The following CA8 variants were observed in gnomAD, a reference collection of about 807,000 sequenced individuals.
CA8 encodes carbonic anhydrase-related protein.
A neutral mutation model predicts 41.4 loss-of-function variants in CA8; 22 were observed. That is an observed-to-expected ratio of 0.53 (90% CI 0.38 to 0.76). The LOEUF is 0.76. CA8 is among the 30% of genes least tolerant of loss of function. The probability of loss-of-function intolerance (pLI) is 0.00; values close to 1 mark genes in which losing one functional copy is unlikely to be tolerated. For synonymous variants in CA8, 121 were observed against 130.6 expected, an observed-to-expected ratio of 0.93 and a Z score of 0.50; for missense variants, 270 against 352.8, an observed-to-expected ratio of 0.77 and a Z score of 1.88.
chr8:60,211,360 A>G (rs1806829928), intron 7 of CA8, among the ~76,000 whole-genome samples: 1 of 152,204 alleles, frequency 6.6e-6, no homozygotes, highest in African/African-American at 2.4e-5. Flanking sequence ...AATTTCACTG[A>G]GGAAATTTAA....
At chr8:60,243,906 CAT>C (rs1808131223) in intron 3 of CA8, among the ~76,000 whole-genome samples, 1 of 152,226 alleles carries the variant, frequency 6.6e-6, no homozygotes, top group African/African-American at 2.4e-5. Context: ...TATCTACTCA[CAT>C]GTCTTCAATC....
chr8:60,263,078 C>T (rs904355965), intron 3 of CA8, among the ~76,000 whole-genome samples: 1 of 152,114 alleles, frequency 6.6e-6, no homozygotes, highest in African/African-American at 2.4e-5. Flanking sequence ...CGGTGGCTCA[C>T]GCCTGTAATC....
At chr8:60,280,601 G>C (rs181167150) in intron 1 of CA8, among the ~76,000 whole-genome samples, 1 of 152,196 alleles carries the variant, frequency 6.6e-6, no homozygotes, top group Non-Finnish European at 1.5e-5. Context: ...ATTGCTAGCA[G>C]GCTTCACGAA....
chr8:60,279,549 TTTATA>T (rs1275535659), intron 2 of CA8, 135 bp downstream of exon 2: 41 of 727,526 alleles, frequency 5.6e-5, no homozygotes, highest in East Asian at 5.4e-4. Context: ...CCAAAAATGC[TTTATA>T]TTATAATACA....
chr8:60,238,834 C>T (rs1334668051), intron 3 of CA8, among the ~76,000 whole-genome samples: 1 of 152,122 alleles, frequency 6.6e-6, no homozygotes, highest in Non-Finnish European at 1.5e-5. Context: ...TGCTTATGCC[C>T]ACTCACCTGG....
rs528312152 is a variant in CA8 at position 60,187,944 on chromosome 8, A to G, written c.*2077T>C. On this transcript the variant is annotated 3_prime_UTR_variant, in exon 9 of 9. Coordinates refer to ENST00000317995, the MANE Select transcript of CA8 (RefSeq NM_004056.6). ...TTAGTTGTTGTGCTTTCGTTTACTGACAAACTACCTTTCAAATTCATTCCT... is the reference window on the plus strand; with the variant it reads ...TTAGTTGTTGTGCTTTCGTTTACTGGCAAACTACCTTTCAAATTCATTCCT... 4 of 152,292 alleles carry G rather than the reference A, an allele frequency of 2.6e-5. No individual in the cohort carries two copies. The South Asian group carries it at 8.3e-4, about 32-fold the overall frequency. 9.4% of individuals were successfully genotyped at this position (152,292 alleles called of 1,614,324 possible).
intron 7 of CA8, among the ~76,000 whole-genome samples, chr8:60,211,920 T>C (rs1446210081): frequency 6.6e-6 from 1 of 152,198 alleles, no homozygotes; most frequent in Non-Finnish European, 1.5e-5. Context: ...TATTTCAGGA[T>C]AGAAATCTTT....
At chr8:60,227,379 G>C (rs1335848518) in intron 4 of CA8, among the ~76,000 whole-genome samples, 1 of 151,890 alleles carries the variant, frequency 6.6e-6, no homozygotes, top group Non-Finnish European at 1.5e-5. Flanking sequence ...TTAATAACTA[G>C]GTCAATGTCT....
intron 7 of CA8, among the ~76,000 whole-genome samples, chr8:60,219,185 G>A (rs1475670270): frequency 6.7e-6 from 1 of 148,900 alleles, no homozygotes; most frequent in Non-Finnish European, 1.5e-5. Context: ...TTTAGACGGA[G>A]TCTCGCTCTG....
chr8:60,249,240 A>T (rs1354124227), intron 3 of CA8, among the ~76,000 whole-genome samples: 2 of 152,232 alleles, frequency 1.3e-5, no homozygotes, highest in Non-Finnish European at 2.9e-5. Context: ...AAAAGCTAAA[A>T]TGCTGAAATA....
chr8:60,209,064 AAC>A, intron 7 of CA8, 145 bp from the exon 8 acceptor site: 2 of 926,472 alleles, frequency 2.2e-6, no homozygotes, highest in Non-Finnish European at 3.2e-6. Context: ...AAAGAAAAAA[AAC>A]AGACTTAATT....
chr8:60,209,622 GT>G (rs1473556246), intron 7 of CA8, among the ~76,000 whole-genome samples: 3 of 152,300 alleles, frequency 2.0e-5, no homozygotes, highest in Admixed American at 2.0e-4. Flanking sequence ...GTTACTGTAT[GT>G]AAACACTGAT....
intron 3 of CA8, among the ~76,000 whole-genome samples, chr8:60,246,937 T>C (rs952890085): frequency 7.1e-5 from 10 of 141,624 alleles, no homozygotes; most frequent in Non-Finnish European, 1.5e-4. Context: ...AGGCTGGAGT[T>C]CAGTGGCGCG....
intron 2 of CA8, among the ~76,000 whole-genome samples, chr8:60,274,547 A>T (rs1474397655): frequency 6.6e-6 from 1 of 152,214 alleles, no homozygotes; most frequent in Non-Finnish European, 1.5e-5. Context: ...CCAATGCAAC[A>T]GTATAAGATG....
intron 6 of CA8, among the ~76,000 whole-genome samples, 173 bp downstream of exon 6, chr8:60,224,364 C>T (rs936912746): frequency 6.6e-6 from 1 of 152,156 alleles, no homozygotes; most frequent in Non-Finnish European, 1.5e-5. Flanking sequence ...TTTATTATTT[C>T]AAAAGGTTTA....
intron 5 of CA8, among the ~76,000 whole-genome samples, chr8:60,225,388 A>G (rs984198506): frequency 1.3e-5 from 2 of 152,214 alleles, no homozygotes; most frequent in Admixed American, 1.3e-4. Flanking sequence ...TAAAGAATCT[A>G]GCTTACTTGC....
chr8:60,201,953 T>A (rs922142757), intron 8 of CA8, among the ~76,000 whole-genome samples: 1 of 152,188 alleles, frequency 6.6e-6, no homozygotes, highest in Non-Finnish European at 1.5e-5. Flanking sequence ...TTTAAGGGCA[T>A]TATTTTTAAA....
chr8:60,197,528 A>G (rs996244296), intron 8 of CA8, among the ~76,000 whole-genome samples: 2 of 152,170 alleles, frequency 1.3e-5, no homozygotes, highest in Non-Finnish European at 2.9e-5. Flanking sequence ...CTTTTAAGTG[A>G]TGAAACAAGA....
At chr8:60,245,752 T>C (rs1372103209) in intron 3 of CA8, among the ~76,000 whole-genome samples, 1 of 152,134 alleles carries the variant, frequency 6.6e-6, no homozygotes, top group African/African-American at 2.4e-5. Flanking sequence ...AAACAGCTTG[T>C]GAGGTTTTCA....
Sources: gnomAD v4.1 joint callset for allele counts (sites outside exome capture counted in the v4.1 genomes callset) on GRCh38, gnomAD v4.1.1 for gene constraint, MANE v1.5 for transcripts, NCBI Gene and HGNC (gene_info 2026-07-23, HGNC 2026-07-21) for gene names.